Variants in PHC3 observed in about 807,000 individuals in gnomAD.
PHC3 encodes the protein polyhomeotic homolog 3.
In PHC3, 13 loss-of-function variants were observed where a neutral mutation model predicts 107.4. The observed-to-expected ratio is 0.12, with a 90% CI of 0.08 to 0.19. The LOEUF is 0.19. Ranked by LOEUF, PHC3 falls within the 10% of genes least tolerant of loss-of-function variation. The pLI is 1.00. For synonymous variants in PHC3, 456 were observed against 427.4 expected, an observed-to-expected ratio of 1.07 and a Z score of -0.83; for missense variants, 992 against 1,210.9, an observed-to-expected ratio of 0.82 and a Z score of 2.68.
intron 6 of PHC3, among the ~76,000 whole-genome samples, chr3:170,144,067 C>T (rs1724553704): frequency 6.6e-6 from 1 of 151,366 alleles, no homozygotes; most frequent in Non-Finnish European, 1.5e-5. Context: ...TGGCTCACGC[C>T]TGCAATCCCA....
At position 170,113,498 on chromosome 3, in the gene PHC3, T is replaced by C; in HGVS notation, c.2215A>G (p.Ile739Val). The C allele has an allele frequency of 6.2e-7, 1 of 1,609,144 alleles. No individual in the cohort carries two copies. Among genetic ancestry groups the C allele is most frequent in the Non-Finnish European group, 8.5e-7 (1 of 1,178,288 alleles). Residue 739 changes from isoleucine (I) to valine (V), a missense_variant, in exon 11 of 15, where the codon ATA (isoleucine) becomes GTA (valine). Coordinates refer to ENST00000495893, the MANE Select transcript of PHC3 (RefSeq NM_024947.4). ...PFPVSRSSLL[I>V]EQPVKKRPLL... Reference sequence around the variant, plus strand: ...GGCCGTTTTTTCACAGGCTGTTCTATTAGCAAAGAGGAACGACTCACCTTT... The same window carrying C: ...GGCCGTTTTTTCACAGGCTGTTCTACTAGCAAAGAGGAACGACTCACCTTT...
rs1054227589 is a variant in PHC3 at position 170,149,253 on chromosome 3, G to A, written c.415-9C>T. 2 of 1,605,422 alleles carry A rather than the reference G, an allele frequency of 1.2e-6. No individual in the cohort carries two copies. The highest frequency in any genetic ancestry group is 2.7e-5 in the African/African-American group (2 of 74,702). On this transcript the variant is annotated splice_polypyrimidine_tract_variant and intron_variant, in intron 4 of 14. Coordinates refer to ENST00000495893, the MANE Select transcript of PHC3 (RefSeq NM_024947.4). ...GAAGTGGAGAGGTTGATCTAAGGAA[G>A]AAAACATATTAGGTCATAGGCTTCC...
intron 4 of PHC3, among the ~76,000 whole-genome samples, chr3:170,167,408 G>A (rs953729190): frequency 6.6e-6 from 1 of 152,214 alleles, no homozygotes; most frequent in Non-Finnish European, 1.5e-5. Context: ...GAGCCAACAT[G>A]CCCAGCCTTT....
chr3:170,171,857 C>G (rs1465136388), intron 3 of PHC3, among the ~76,000 whole-genome samples: 12 of 152,208 alleles, frequency 7.9e-5, no homozygotes. Flanking sequence ...AGCTGAGAAT[C>G]TGTTGGTAAC....
chr3:170,123,416 A>G (rs188977897), intron 8 of PHC3, among the ~76,000 whole-genome samples: 1 of 150,608 alleles, frequency 6.6e-6, no homozygotes, highest in Admixed American at 6.6e-5. Context: ...CTCTTTTTAT[A>G]ATGTTCCATA....
At chr3:170,169,689 A>C (rs559144290) in intron 4 of PHC3, 2 of 152,372 alleles carry the variant, frequency 1.3e-5, no homozygotes, top group African/African-American at 4.8e-5. Flanking sequence ...AACTTCTGTG[A>C]ATGTCACATA....
chr3:170,129,302 A>C lies in PHC3; in HGVS notation c.1170T>G (p.His390Gln). The C allele has an allele frequency of 6.2e-7, 1 of 1,613,978 alleles. No individual in the cohort carries two copies. Among genetic ancestry groups the C allele is most frequent in the Non-Finnish European group, 8.5e-7 (1 of 1,179,878 alleles). Residue 390 changes from histidine to glutamine, a missense_variant, in exon 8 of 15, where the codon CAT (histidine) becomes CAG (glutamine). By Grantham distance (24) the His-to-Gln change is conservative. Transcript: ENST00000495893. ...QSQHCSPIQSHPSPLTVSPNQ... is the reference protein window; with the variant it reads ...QSQHCSPIQSQPSPLTVSPNQ... ...TAGGAGACACTGTTAAAGGAGAGGG[A>C]TGACTCTGAATCGGTGAACAATGCT...
chr3:170,129,668 C>A, intron 7 of PHC3, 116 bp from the exon 8 acceptor site: 13 of 1,066,264 alleles, frequency 1.2e-5, no homozygotes, highest in East Asian at 2.4e-5. Flanking sequence ...AATTCTATTA[C>A]AAGTTTTCCA....
At position 170,113,022 on chromosome 3, in the gene PHC3, T is replaced by C. The variant is rs566925929; in HGVS notation, c.2353+338A>G. On this transcript the variant is annotated intron_variant, in intron 11 of 14. Transcript: ENST00000495893. ...TAAGCTAACTCACTAAAATACTCAT[T>C]TGTTACTTAAGTCTGCTTTAAAAAA... is the stretch of plus-strand genomic sequence containing the variant. 5.9e-5 allele frequency among the ~76,000 whole-genome samples: 9 copies of C among 152,296 alleles called. No homozygotes were observed. The South Asian group carries it at 1.9e-3, about 32-fold the overall frequency.
At chr3:170,104,026 C>A (rs1176359309) in intron 12 of PHC3, among the ~76,000 whole-genome samples, 2 of 152,038 alleles carry the variant, frequency 1.3e-5, no homozygotes, top group Non-Finnish European at 2.9e-5. Flanking sequence ...GCTGTGATAG[C>A]GCCACTGCAC....
At chr3:170,179,519 T>C (rs544512328) in intron 1 of PHC3, among the ~76,000 whole-genome samples, 1 of 152,316 alleles carries the variant, frequency 6.6e-6, no homozygotes, top group East Asian at 1.9e-4. Flanking sequence ...ACGCTGTCCT[T>C]ACTACTTCTA....
chr3:170,141,489 T>C lies in PHC3; in HGVS notation c.672+3934A>G, dbSNP rs555171648. ...ATTAAAAATACCTTTAAATATGAAG[T>C]AAGATGTTTTCTTCATGAGTACCAG... On this transcript the variant is annotated intron_variant, in intron 6 of 14. Coordinates refer to ENST00000495893, the MANE Select transcript of PHC3 (RefSeq NM_024947.4). Among the ~76,000 whole-genome samples the C allele has an allele frequency of 3.3e-5, 5 of 152,346 alleles. No individual in the cohort carries two copies. In the South Asian group the frequency reaches 8.3e-4, roughly 25 times the overall value.
chr3:170,113,914 ATT>A (rs1718364503), intron 10 of PHC3, among the ~76,000 whole-genome samples: 1 of 152,206 alleles, frequency 6.6e-6, no homozygotes, highest in African/African-American at 2.4e-5. Context: ...CTGTCAGTAT[ATT>A]TAAGAGTTGG....
intron 7 of PHC3, among the ~76,000 whole-genome samples, chr3:170,132,108 A>C (rs1722346712): frequency 6.6e-6 from 1 of 152,204 alleles, no homozygotes; most frequent in South Asian, 2.1e-4. Flanking sequence ...ATGTTGGTTA[A>C]TTTCTCTGAT....
chr3:170,177,313 T>C (rs942044228), intron 2 of PHC3, among the ~76,000 whole-genome samples: 1 of 152,206 alleles, frequency 6.6e-6, no homozygotes, highest in African/African-American at 2.4e-5. Flanking sequence ...CTTATAATTT[T>C]CTTTACACAT....
rs1439400168 is a variant in PHC3, at chr3:170,106,828, A to G, written c.2468+4T>C. 6.3e-7 allele frequency: 1 copy of G among 1,599,914 alleles called. No individual in the cohort carries two copies. The highest frequency in any genetic ancestry group is 2.3e-5 in the East Asian group (1 of 44,418). On this transcript the variant is annotated splice_donor_region_variant and intron_variant, in intron 12 of 14. Transcript: ENST00000495893. ...CTTTGGGAAATTCAAGAGCACAGAAATACCTTTTGGCACATGACATAGTGC... is the reference window on the plus strand; with the variant it reads ...CTTTGGGAAATTCAAGAGCACAGAAGTACCTTTTGGCACATGACATAGTGC...
At position 170,129,112 on chromosome 3, in the gene PHC3, T is replaced by G; in HGVS notation, c.1360A>C (p.Asn454His). The G allele has an allele frequency of 2.5e-6, 4 of 1,613,230 alleles. No individual in the cohort carries two copies. Among genetic ancestry groups the G allele is most frequent in the Non-Finnish European group, 3.4e-6 (4 of 1,179,514 alleles). Residue 454 changes from asparagine (N) to histidine (H), a missense_variant, in exon 8 of 15, where the codon AAT becomes CAT. Around this residue, in one of 6 missense-constraint regions of PHC3, gnomAD observed 543 missense variants for 590.8 expected, o/e 0.92. Coordinates refer to ENST00000495893, the MANE Select transcript of PHC3 (RefSeq NM_024947.4). ...AACTGTGCTGTAGCTTGCACCTGATTAGCAGTGGACTGCTGCAAATTTGGC... is the reference window on the plus strand; with the variant it reads ...AACTGTGCTGTAGCTTGCACCTGATGAGCAGTGGACTGCTGCAAATTTGGC... ...PGPNLQQSTANQVQATAQLNL... is the reference protein window; with the variant it reads ...PGPNLQQSTAHQVQATAQLNL...
At chr3:170,159,389 T>C (rs975460793) in intron 4 of PHC3, among the ~76,000 whole-genome samples, 5 of 151,670 alleles carry the variant, frequency 3.3e-5, no homozygotes, top group African/African-American at 1.2e-4. Flanking sequence ...TTATAAATAG[T>C]GGCTGAACTA....
In PHC3 at chr3:170,090,161, T is replaced by G. The variant is rs1425019347; in HGVS notation, c.*7069A>C. 5.3e-5 allele frequency: 8 copies of G among 152,092 alleles called. No individual in the cohort carries two copies. Among genetic ancestry groups the G allele is most frequent in the Admixed American group, 5.2e-4 (8 of 15,262 alleles). The allele number at this position is 152,092 out of a possible 1,614,324, so 9.4% of individuals were successfully genotyped here. On this transcript the variant is annotated 3_prime_UTR_variant, in exon 15 of 15. Transcript: ENST00000495893. ...ATCAGGTATGGGGCCAACTGATGTT[T>G]AGTATGTGAAATGTGTTATAAAAAT... is the stretch of plus-strand genomic sequence containing the variant.
Sources: gnomAD v4.1 joint callset for allele counts (sites outside exome capture counted in the v4.1 genomes callset) on GRCh38, gnomAD v4.1.1 for gene constraint, gnomAD v4.1.1 regional missense constraint, MANE v1.5 for transcripts, NCBI Gene and HGNC (gene_info 2026-07-23, HGNC 2026-07-21) for gene names.